Variants in AOX1 observed in about 807,000 individuals in gnomAD.
AOX1 encodes aldehyde oxidase.
AOX1 carries 153 observed loss-of-function variants against 169.5 expected under a neutral mutation model. The observed-to-expected ratio is 0.90, with a 90% confidence interval of 0.79 to 1.03. AOX1 has a LOEUF of 1.03. Ranked by LOEUF, AOX1 falls within the 50% of genes least tolerant of loss-of-function variation. AOX1 has a pLI of 0.00. For missense variants in AOX1, 1,656 were observed against 1,663.9 expected, an observed-to-expected ratio of 1.00 and a Z score of 0.08; for synonymous variants, 562 against 581.9, an observed-to-expected ratio of 0.97 and a Z score of 0.49.
intron 5 of AOX1, among the ~76,000 whole-genome samples, chr2:200,601,650 G>A (rs1375234610): frequency 6.6e-6 from 1 of 150,686 alleles, no homozygotes; most frequent in Non-Finnish European, 1.5e-5. Flanking sequence ...AAATTAGTTT[G>A]GCTGAACACA....
At position 200,605,527 on chromosome 2, in the gene AOX1, A is replaced by C; in HGVS notation, c.815-9A>C. On this transcript the variant is annotated splice_polypyrimidine_tract_variant and intron_variant, in intron 9 of 34. Transcript: ENST00000374700. The stretch of plus-strand genomic sequence containing the variant: ...TCTTATTGATTTTTTTTTTTTTTTG[A>C]TCCTTTAGGGCCTGAAGTGAAATTT... 1 of 1,363,488 alleles carries C rather than the reference A, an allele frequency of 7.3e-7. No individual in the cohort carries two copies. 84.5% of individuals were successfully genotyped at this position (1,363,488 alleles called of 1,614,324 possible).
chr2:200,599,868 C>A, intron 5 of AOX1, 122 bp downstream of exon 5: 2 of 697,264 alleles, frequency 2.9e-6, no homozygotes, highest in Non-Finnish European at 4.1e-6. Flanking sequence ...CCACTGTAAC[C>A]TCCGCCTCCC....
chr2:200,604,858 G>A lies in AOX1; in HGVS notation c.814+18G>A, dbSNP rs1388170636. The stretch of plus-strand genomic sequence containing the variant: ...CTCTGTGGGTATGTAGAACCCCAGG[G>A]ATTTTTTATAGGGAAATTGAGAAAA... On this transcript the variant is annotated intron_variant, in intron 9 of 34. Transcript: ENST00000374700. The A allele has an allele frequency of 8.9e-7, 1 of 1,128,394 alleles. No homozygotes were observed. The highest frequency in any genetic ancestry group is 1.3e-6 in the Non-Finnish European group (1 of 796,904). The allele number at this position is 1,128,394 out of a possible 1,614,324, so 69.9% of individuals were successfully genotyped here.
intron 24 of AOX1, among the ~76,000 whole-genome samples, chr2:200,642,354 A>G (rs554641826): frequency 1.2e-4 from 19 of 152,312 alleles, no homozygotes; most frequent in African/African-American, 3.6e-4. Context: ...GCCTTTGTAT[A>G]TATTTGAAAT....
At position 200,599,656 on chromosome 2, in the gene AOX1, T is replaced by G; in HGVS notation, c.346T>G (p.Phe116Val). Reference sequence around the variant, plus strand: ...CAAGTGTCATGGCACCCAGTGTGGCTTCTGCACACCTGGGATGGTGATGTC... The same window carrying G: ...CAAGTGTCATGGCACCCAGTGTGGCGTCTGCACACCTGGGATGGTGATGTC... ...IAKCHGTQCGFCTPGMVMSIY... is the reference protein window; with the variant it reads ...IAKCHGTQCGVCTPGMVMSIY... Residue 116 changes from phenylalanine to valine, a missense_variant, in exon 5 of 35, where the codon TTC (phenylalanine) becomes GTC (valine). Physicochemically the swap from Phe to Val is conservative, Grantham distance 50. Transcript: ENST00000374700. The G allele has an allele frequency of 6.2e-7, 1 of 1,612,990 alleles. No individual in the cohort carries two copies. Among genetic ancestry groups the G allele is most frequent in the Non-Finnish European group, 8.5e-7 (1 of 1,179,314 alleles).
chr2:200,640,537 T>G (rs1345970712), intron 23 of AOX1, among the ~76,000 whole-genome samples: 1 of 152,220 alleles, frequency 6.6e-6, no homozygotes, highest in African/African-American at 2.4e-5. Flanking sequence ...CAAAATGCTA[T>G]GAAGAATACA....
intron 13 of AOX1, 78 bp from the exon 14 acceptor site, chr2:200,612,531 T>C (rs1179584077): frequency 1.4e-6 from 2 of 1,433,830 alleles, no homozygotes; most frequent in Non-Finnish European, 1.9e-6. Context: ...GTGTAGGTGA[T>C]ACTCAAGACA....
rs749634752 is a variant in AOX1, at chr2:200,621,253, C to T, written c.2001+7C>T. The T allele has an allele frequency of 5.6e-6, 9 of 1,607,122 alleles. No homozygotes were observed. In the Admixed American group the frequency reaches 1.6e-4, roughly 28 times the overall value. ...ATTTCTGGCGACAGATAAGGTACTG[C>T]ATTTTTGCTTTCTATTTGAAAAATA... is the stretch of plus-strand genomic sequence containing the variant. On this transcript the variant is annotated splice_region_variant and intron_variant, in intron 18 of 34. Coordinates refer to ENST00000374700, the MANE Select transcript of AOX1 (RefSeq NM_001159.4).
At chr2:200,620,440 C>T (rs2034862756) in intron 16 of AOX1, among the ~76,000 whole-genome samples, 1 of 151,964 alleles carries the variant, frequency 6.6e-6, no homozygotes, top group Admixed American at 6.6e-5. Flanking sequence ...AACTCCTGAC[C>T]TCAAGTGATC....
At chr2:200,656,656 T>C (rs376081006) in intron 26 of AOX1, among the ~76,000 whole-genome samples, 186 bp from the exon 27 acceptor site, 4 of 152,126 alleles carry the variant, frequency 2.6e-5, no homozygotes, top group African/African-American at 9.7e-5. Flanking sequence ...TATACTTTAC[T>C]TTGTATTTTA....
chr2:200,656,263 T>C (rs1484182847), intron 26 of AOX1, among the ~76,000 whole-genome samples: 2 of 152,208 alleles, frequency 1.3e-5, no homozygotes, highest in Non-Finnish European at 2.9e-5. Flanking sequence ...TATCCCCATA[T>C]TCTAGTTTAG....
chr2:200,591,803 A>T (rs2034178440), intron 1 of AOX1, among the ~76,000 whole-genome samples: 1 of 152,096 alleles, frequency 6.6e-6, no homozygotes, highest in African/African-American at 2.4e-5. Flanking sequence ...AGAGGACGAT[A>T]TTGCGGGTAC....
In AOX1 at chr2:200,593,695, T is replaced by G. The variant is rs187386024; in HGVS notation, c.103+492T>G. Among the ~76,000 whole-genome samples the G allele has an allele frequency of 2.2e-4, 34 of 152,320 alleles. No individual in the cohort carries two copies. In the East Asian group the frequency reaches 6.2e-3, roughly 28 times the overall value. ...TGAACTCCAGTGGGCTACCCGACGG[T>G]GAAAGACACTACTGAATTATATGCA... On this transcript the variant is annotated intron_variant, in intron 2 of 34. Transcript: ENST00000374700.
At chr2:200,586,616 A>G (rs1379553377) in intron 1 of AOX1, among the ~76,000 whole-genome samples, 1 of 152,202 alleles carries the variant, frequency 6.6e-6, no homozygotes, top group Admixed American at 6.5e-5. Context: ...AGCAACTTAG[A>G]TTCGGGACAA....
intron 26 of AOX1, among the ~76,000 whole-genome samples, chr2:200,656,280 C>G (rs912684593): frequency 3.3e-5 from 5 of 151,056 alleles, no homozygotes; most frequent in African/African-American, 9.7e-5. Flanking sequence ...TTAGCACAGG[C>G]AGATACGCAA....
intron 31 of AOX1, among the ~76,000 whole-genome samples, chr2:200,663,545 A>ACACACAC (rs2035867351): frequency 1.7e-4 from 20 of 117,700 alleles, no homozygotes; most frequent in African/African-American, 5.3e-4. Context: ...CATACACACA[A>ACACACAC]ACACACACAC....
At chr2:200,601,436 A>G (rs2034411538) in intron 5 of AOX1, among the ~76,000 whole-genome samples, 1 of 152,200 alleles carries the variant, frequency 6.6e-6, no homozygotes, top group African/African-American at 2.4e-5. Context: ...ACATTTGCTG[A>G]AAGGGCAGAT....
intron 21 of AOX1, among the ~76,000 whole-genome samples, chr2:200,635,636 TTC>T (rs1227484730): frequency 6.6e-6 from 1 of 152,178 alleles, no homozygotes; most frequent in African/African-American, 2.4e-5. Flanking sequence ...TTCATTTATT[TTC>T]TCACCTCTTC....
chr2:200,680,632 G>A (rs185044507), downstream of AOX1, among the ~76,000 whole-genome samples: 23 of 152,194 alleles, frequency 1.5e-4, 1 homozygote, highest in Non-Finnish European at 7.4e-5. Context: ...TGCAACCTCC[G>A]CCTCCCAGGT....
Sources: allele counts gnomAD v4.1 joint callset (sites outside exome capture counted in the v4.1 genomes callset), GRCh38; gene constraint gnomAD v4.1.1; transcripts MANE v1.5; gene names NCBI Gene and HGNC (gene_info 2026-07-23, HGNC 2026-07-21).